The following CACNA1D variants were observed in gnomAD, a reference collection of about 807,000 sequenced individuals.
CACNA1D encodes the protein calcium voltage-gated channel subunit alpha1 D.
In CACNA1D, 55 loss-of-function variants were observed where a neutral mutation model predicts 257.1. The ratio of observed to expected loss-of-function variants is 0.21; its 90% confidence interval spans 0.17 to 0.27. The LOEUF is 0.27. CACNA1D is among the 10% of genes least tolerant of loss of function. CACNA1D has a pLI of 1.00. For missense variants in CACNA1D, 1,876 were observed against 2,784.0 expected, an observed-to-expected ratio of 0.67 and a Z score of 7.34; for synonymous variants, 980 against 1,014.9, an observed-to-expected ratio of 0.97 and a Z score of 0.65.
At chr3:53,534,976 T>C (rs1486421815) in intron 3 of CACNA1D, among the ~76,000 whole-genome samples, 1 of 152,164 alleles carries the variant, frequency 6.6e-6, no homozygotes, top group African/African-American at 2.4e-5. Flanking sequence ...TCTCTCTGTA[T>C]GTCCCTGGCT....
chr3:53,620,952 A>G (rs986267266), intron 3 of CACNA1D, among the ~76,000 whole-genome samples: 5 of 152,178 alleles, frequency 3.3e-5, no homozygotes, highest in African/African-American at 9.7e-5. Flanking sequence ...TAGCCATGAC[A>G]CTGCCAGAGG....
chr3:53,527,055 A>G (rs1289806042), intron 3 of CACNA1D, among the ~76,000 whole-genome samples: 2 of 152,244 alleles, frequency 1.3e-5, no homozygotes, highest in African/African-American at 4.8e-5. Context: ...CACAGAATGT[A>G]TAGTACTTCA....
chr3:53,655,041 T>G (rs2094135212), intron 4 of CACNA1D, among the ~76,000 whole-genome samples: 1 of 152,204 alleles, frequency 6.6e-6, no homozygotes, highest in South Asian at 2.1e-4. Context: ...ATCATTTAGC[T>G]CCTACTTATA....
intron 3 of CACNA1D, among the ~76,000 whole-genome samples, chr3:53,574,776 C>T (rs773964053): frequency 7.9e-5 from 12 of 152,104 alleles, no homozygotes; most frequent in Non-Finnish European, 1.3e-4. Context: ...ACACACCCAA[C>T]CTGCAGGTTT....
chr3:53,768,246 CT>C (rs1241925271), intron 30 of CACNA1D, among the ~76,000 whole-genome samples: 1 of 152,158 alleles, frequency 6.6e-6, no homozygotes, highest in Non-Finnish European at 1.5e-5. Context: ...CCCTTACTGT[CT>C]TGCAGGTCTG....
At chr3:53,574,047 A>G (rs1457076443) in intron 3 of CACNA1D, among the ~76,000 whole-genome samples, 2 of 152,130 alleles carry the variant, frequency 1.3e-5, no homozygotes, top group Admixed American at 6.5e-5. Context: ...GGTCCTTTCC[A>G]TTGCACTGTG....
In CACNA1D at chr3:53,497,160, T is replaced by C; in HGVS notation, c.76T>C (p.Tyr26His). ...TTTCTCCTTCTCCCCAGAGGCAAAC[T>C]ATGCAAGAGGCACCAGACTTCCTCT... ...QQADHANEAN[Y>H]ARGTRLPLSG... Residue 26 changes from tyrosine (Y) to histidine (H), a missense_variant, in exon 2 of 48, where the codon TAT (tyrosine) becomes CAT (histidine). Tyr to His is a moderately conservative substitution (Grantham distance 83). Transcript: ENST00000350061. The C allele has an allele frequency of 2.5e-6, 4 of 1,613,758 alleles. No homozygotes were observed. In the East Asian group the frequency reaches 8.9e-5, roughly 36 times the overall value.
chr3:53,690,464 G>C (rs548853718), intron 8 of CACNA1D, among the ~76,000 whole-genome samples: 1 of 152,180 alleles, frequency 6.6e-6, no homozygotes, highest in Non-Finnish European at 1.5e-5. Flanking sequence ...TGTTGCTGGA[G>C]GGTGGATCTC....
intron 4 of CACNA1D, among the ~76,000 whole-genome samples, chr3:53,656,535 G>A (rs948435466): frequency 3.3e-5 from 5 of 151,954 alleles, no homozygotes; most frequent in Non-Finnish European, 5.9e-5. Flanking sequence ...GAGATGTCTC[G>A]GGACACAAAA....
chr3:53,682,352 G>T (rs2094437393), intron 8 of CACNA1D, among the ~76,000 whole-genome samples: 1 of 98,062 alleles, frequency 1.0e-5, no homozygotes, highest in South Asian at 3.5e-4. Flanking sequence ...ACATAGCGAG[G>T]CTTTGTCTCT....
At chr3:53,621,311 A>T (rs1255924784) in intron 3 of CACNA1D, among the ~76,000 whole-genome samples, 1 of 152,216 alleles carries the variant, frequency 6.6e-6, no homozygotes, top group African/African-American at 2.4e-5. Flanking sequence ...CACTTTTCAA[A>T]ATTTCTGTCC....
chr3:53,786,132 A>G (rs752890956), intron 39 of CACNA1D: 4 of 153,124 alleles, frequency 2.6e-5, no homozygotes, highest in Non-Finnish European at 5.8e-5. Context: ...TGATTCCCCA[A>G]CCATACACGT....
Position 53,732,008 on chromosome 3 carries a change from C to A in CACNA1D, c.2407-8C>A. The A allele has an allele frequency of 1.3e-6, 2 of 1,590,972 alleles. No homozygotes were observed. The highest frequency in any genetic ancestry group is 1.3e-5 in the African/African-American group (1 of 74,598). On this transcript the variant is annotated splice_region_variant and splice_polypyrimidine_tract_variant and intron_variant, in intron 17 of 47. Transcript: ENST00000350061. ...TCCCCTCCTCCCAAGATGTCTTTGT[C>A]ATCCTAGGTTACAATTGATGACTAT...
intron 8 of CACNA1D, among the ~76,000 whole-genome samples, chr3:53,688,903 T>C (rs964246662): frequency 6.6e-6 from 1 of 152,196 alleles, no homozygotes; most frequent in African/African-American, 2.4e-5. Context: ...GTACACCACC[T>C]GCTGAGAGGT....
At chr3:53,616,194 G>T (rs146957060) in intron 3 of CACNA1D, among the ~76,000 whole-genome samples, 1 of 152,284 alleles carries the variant, frequency 6.6e-6, no homozygotes, top group Non-Finnish European at 1.5e-5. Flanking sequence ...GCAGGGTTGA[G>T]GTATGATGTG....
rs2094346523 is a variant in CACNA1D, at chr3:53,673,612, C to T, written c.1220+486C>T. ...CTAGGCCCAGTCCCTGTCCTAGGAG[C>T]ACTAACCTTCAGCAAAGCACTGAGA... On this transcript the variant is annotated intron_variant, in intron 8 of 47. Transcript: ENST00000350061. This position sits in a 1 kb window ranked among gnomAD's most constrained non-coding sequence, Gnocchi z 4.1. 1.2e-6 allele frequency: 1 copy of T among 868,376 alleles called. No homozygotes were observed. The highest frequency in any genetic ancestry group is 1.7e-5 in the African/African-American group (1 of 60,312). The allele number at this position is 868,376 out of a possible 1,614,324, so 53.8% of individuals were successfully genotyped here.
intron 19 of CACNA1D, among the ~76,000 whole-genome samples, chr3:53,733,779 A>C (rs1318377885): frequency 6.6e-6 from 1 of 151,906 alleles, no homozygotes; most frequent in African/African-American, 2.4e-5. Flanking sequence ...AGGGAGACAC[A>C]GGTGGGAAGC....
At chr3:53,722,293 T>C in intron 11 of CACNA1D, 21 bp from the exon 12 acceptor site, 1 of 1,613,664 alleles carries the variant, frequency 6.2e-7, no homozygotes, top group Non-Finnish European at 8.5e-7. Context: ...ATCTACGTAG[T>C]AATGTTTGCT....
At chr3:53,732,416 T>C (rs540410789) in intron 18 of CACNA1D, among the ~76,000 whole-genome samples, 4 of 152,200 alleles carry the variant, frequency 2.6e-5, no homozygotes, top group South Asian at 4.2e-4. Flanking sequence ...GGTGGGACTG[T>C]GGAGTTGGGA....
Sources: gnomAD v4.1 joint callset for allele counts (sites outside exome capture counted in the v4.1 genomes callset) on GRCh38, gnomAD v4.1.1 for gene constraint, Gnocchi (gnomAD v3.1) non-coding constraint, MANE v1.5 for transcripts, NCBI Gene and HGNC (gene_info 2026-07-23, HGNC 2026-07-21) for gene names.